Variants in ZNRF1 observed in about 807,000 individuals in gnomAD.
ZNRF1 encodes E3 ubiquitin-protein ligase ZNRF1.
Under a neutral mutation model 18.4 loss-of-function variants are expected in ZNRF1, and 3 were observed. The observed-to-expected ratio is 0.16, with a 90% confidence interval of 0.07 to 0.42. The LOEUF is 0.42. Among genes scored for constraint, ZNRF1 ranks in the 10% least tolerant of loss-of-function variants. The probability of loss-of-function intolerance (pLI) is 0.99; values close to 1 mark genes in which losing one functional copy is unlikely to be tolerated. For missense variants in ZNRF1, 310 were observed against 329.8 expected, an observed-to-expected ratio of 0.94 and a Z score of 0.47; for synonymous variants, 157 against 144.2, an observed-to-expected ratio of 1.09 and a Z score of -0.64.
intron 1 of ZNRF1, among the ~76,000 whole-genome samples, chr16:75,035,918 C>T (rs182081690): frequency 6.6e-5 from 10 of 152,316 alleles, no homozygotes; most frequent in Admixed American, 6.5e-4. Context: ...AGCCCACTCA[C>T]CCAACTCCTA....
intron 2 of ZNRF1, among the ~76,000 whole-genome samples, chr16:75,098,866 C>A (rs1014449053): frequency 6.6e-6 from 1 of 152,156 alleles, no homozygotes; most frequent in Non-Finnish European, 1.5e-5. Flanking sequence ...GTGTGAGCCT[C>A]CCCACCCCTC....
At chr16:75,021,267 G>C (rs2035143978) in intron 1 of ZNRF1, among the ~76,000 whole-genome samples, 1 of 151,828 alleles carries the variant, frequency 6.6e-6, no homozygotes, top group African/African-American at 2.4e-5. Flanking sequence ...TCAAACTCCT[G>C]ACCTCAAGTG....
chr16:75,003,150 C>T (rs1214549282), intron 1 of ZNRF1, among the ~76,000 whole-genome samples: 2 of 152,144 alleles, frequency 1.3e-5, no homozygotes, highest in Admixed American at 6.5e-5. Flanking sequence ...TTTGTAGAGA[C>T]GGGATTTCTC....
intron 1 of ZNRF1, among the ~76,000 whole-genome samples, chr16:75,057,505 G>A (rs2035683537): frequency 6.6e-6 from 1 of 152,148 alleles, no homozygotes; most frequent in African/African-American, 2.4e-5. Context: ...GGTCTTACAG[G>A]TGCTATCTTG....
In ZNRF1 at chr16:75,104,809, T is replaced by A; in HGVS notation, c.546T>A (p.Gly182=). ...YNDDVLTKDA[G]ECVICLEELL... is the part of the protein sequence containing the mutation. ...ATGATGTGCTGACTAAAGACGCGGG[T>A]GAGTGTGTGATCTGCCTGGAGGAGC... The change falls in exon 3 of 5, where the codon GGT becomes GGA. Residue 182 remains glycine, a synonymous_variant. Transcript: ENST00000335325. 1 of 1,609,164 alleles carries A rather than the reference T, an allele frequency of 6.2e-7. No homozygotes were observed.
At chr16:75,051,726 C>T (rs187644159) in intron 1 of ZNRF1, among the ~76,000 whole-genome samples, 1 of 152,282 alleles carries the variant, frequency 6.6e-6, no homozygotes, top group East Asian at 1.9e-4. Flanking sequence ...CCGTGTTGGT[C>T]AGGCTGGTCT....
chr16:75,099,819 G>A (rs1454383358), intron 2 of ZNRF1, among the ~76,000 whole-genome samples: 1 of 152,218 alleles, frequency 6.6e-6, no homozygotes, highest in Non-Finnish European at 1.5e-5. Flanking sequence ...GTTCGTGTCA[G>A]ATGCTTCTGG....
At chr16:75,073,054 C>T (rs773614045) in intron 1 of ZNRF1, among the ~76,000 whole-genome samples, 2 of 151,298 alleles carry the variant, frequency 1.3e-5, no homozygotes, top group Non-Finnish European at 2.9e-5. Flanking sequence ...TTTGGGAGGC[C>T]AAGGTGGGAG....
In ZNRF1 at chr16:75,001,066, C is replaced by T. The variant is rs539831386; in HGVS notation, c.424+971C>T. Among the ~76,000 whole-genome samples the T allele has an allele frequency of 1.1e-4, 16 of 152,206 alleles. No individual in the cohort carries two copies. The South Asian group carries it at 2.1e-3, about 20-fold the overall frequency. On this transcript the variant is annotated intron_variant, in intron 1 of 4. Transcript: ENST00000335325. ...CTAGGTCAGGCATCTAGAAAATTGG[C>T]CAAAAGGGATGTGGGGGCCGCTATT... is the stretch of plus-strand genomic sequence containing the variant.
rs568069753 is a variant in ZNRF1, at chr16:75,018,660, T to C, written c.424+18565T>C. Among the ~76,000 whole-genome samples the C allele has an allele frequency of 2.0e-5, 3 of 152,334 alleles. No individual in the cohort carries two copies. The South Asian group carries it at 6.2e-4, about 32-fold the overall frequency. On this transcript the variant is annotated intron_variant, in intron 1 of 4. Coordinates refer to ENST00000335325, the MANE Select transcript of ZNRF1 (RefSeq NM_032268.5). The stretch of plus-strand genomic sequence containing the variant: ...ATTTATTCAGATGATCATCTGGGCT[T>C]TCTCCTTTCAGTTGTAAATGATTTG...
At chr16:75,083,923 TA>T (rs1249436102) in intron 1 of ZNRF1, among the ~76,000 whole-genome samples, 1 of 152,178 alleles carries the variant, frequency 6.6e-6, no homozygotes, top group Non-Finnish European at 1.5e-5. Flanking sequence ...AGGACTAGCT[TA>T]TACTGTCATA....
At chr16:75,019,244 T>A (rs550426450) in intron 1 of ZNRF1, among the ~76,000 whole-genome samples, 7 of 152,050 alleles carry the variant, frequency 4.6e-5, no homozygotes, top group Non-Finnish European at 7.4e-5. Context: ...ACTACTGTGT[T>A]GCTCAGGCTG....
intron 1 of ZNRF1, among the ~76,000 whole-genome samples, chr16:75,033,057 T>C (rs570906760): frequency 3.0e-4 from 46 of 152,116 alleles, no homozygotes; most frequent in Admixed American, 2.2e-3. Flanking sequence ...ACATGTAGAG[T>C]CTATTTCTGG....
intron 1 of ZNRF1, among the ~76,000 whole-genome samples, chr16:75,084,795 T>A (rs964525927): frequency 1.4e-4 from 21 of 152,262 alleles, no homozygotes; most frequent in African/African-American, 4.8e-4. Context: ...GACCGCTGTA[T>A]CCAAATTAGC....
In ZNRF1 at chr16:75,022,032, C is replaced by A. The variant is rs201939848; in HGVS notation, c.424+21937C>A. ...TTTATATGCTTTACTATGGGTAATT[C>A]CTTATCTCTGTTTTCAGTACACTAA... On this transcript the variant is annotated intron_variant, in intron 1 of 4. Transcript: ENST00000335325. Among the ~76,000 whole-genome samples the A allele has an allele frequency of 5.3e-5, 8 of 152,226 alleles. No individual in the cohort carries two copies. In the East Asian group the frequency reaches 1.5e-3, roughly 29 times the overall value.
chr16:75,078,721 T>C (rs2035973901), intron 1 of ZNRF1, among the ~76,000 whole-genome samples: 1 of 152,242 alleles, frequency 6.6e-6, no homozygotes, highest in South Asian at 2.1e-4. Context: ...AGGTGAAAAG[T>C]CAAAATGAAG....
intron 1 of ZNRF1, among the ~76,000 whole-genome samples, chr16:75,077,237 A>G (rs1184187867): frequency 6.6e-6 from 1 of 152,182 alleles, no homozygotes; most frequent in Non-Finnish European, 1.5e-5. Context: ...CTGAAAATAC[A>G]AAAAATTAGC....
chr16:75,060,997 A>G (rs1172188196), intron 1 of ZNRF1, among the ~76,000 whole-genome samples: 1 of 152,186 alleles, frequency 6.6e-6, no homozygotes, highest in East Asian at 1.9e-4. Context: ...TGAAGCTCTG[A>G]TTAAAAAAAA....
At chr16:75,034,806 T>C (rs1428187165) in intron 1 of ZNRF1, among the ~76,000 whole-genome samples, 1 of 151,606 alleles carries the variant, frequency 6.6e-6, no homozygotes, top group Non-Finnish European at 1.5e-5. Context: ...TTTGTAATTT[T>C]AGTAGAGACA....
Sources: allele counts gnomAD v4.1 joint callset (sites outside exome capture counted in the v4.1 genomes callset), GRCh38; gene constraint gnomAD v4.1.1; transcripts MANE v1.5; gene names NCBI Gene and HGNC (gene_info 2026-07-23, HGNC 2026-07-21).